Variants in PLEKHG4B observed in about 807,000 individuals in gnomAD.
PLEKHG4B encodes the protein pleckstrin homology and RhoGEF domain containing G4B.
PLEKHG4B carries 111 observed loss-of-function variants against 121.3 expected under a neutral mutation model. That is an observed-to-expected ratio of 0.92 (90% CI 0.78 to 1.07). PLEKHG4B has a LOEUF of 1.07. Among genes scored for constraint, PLEKHG4B ranks in the 50% least tolerant of loss-of-function variants. The pLI, the probability that PLEKHG4B is intolerant of heterozygous loss-of-function variation, is 0.00. For missense variants in PLEKHG4B, 1,831 were observed against 1,757.8 expected (o/e 1.04, Z -0.74); for synonymous variants, 738 against 725.0 (o/e 1.02, Z -0.29).
intron 2 of PLEKHG4B, among the ~76,000 whole-genome samples, chr5:125,974 T>C (rs180894796): frequency 6.6e-6 from 1 of 152,336 alleles, no homozygotes; most frequent in African/African-American, 2.4e-5. Flanking sequence ...GCCGACAATC[T>C]TATTAAGGTT....
chr5:93,963 T>G (rs1435368728), intron 1 of PLEKHG4B, among the ~76,000 whole-genome samples: 1 of 152,168 alleles, frequency 6.6e-6, no homozygotes, highest in African/African-American at 2.4e-5. Context: ...ACTGCCTCCC[T>G]CCTTCCAAAC....
chr5:106,352 A>G, intron 1 of PLEKHG4B, among the ~76,000 whole-genome samples: 1 of 152,204 alleles, frequency 6.6e-6, no homozygotes, highest in Non-Finnish European at 1.5e-5. Flanking sequence ...TCCCCCATCC[A>G]GCCCTTTGTT....
At position 181,612 on chromosome 5, in the gene PLEKHG4B, G is replaced by A. The variant is rs756867316; in HGVS notation, c.4501G>A (p.Asp1501Asn). ...GACCCCTGACTGTGCAGTGATAAGC[G>A]ACCGGGCTCCCAAATGTGCAGTGAT... ...DRTPDCAVIS[D>N]RAPKCAVMSD... The change falls in exon 19 of 20, where the codon GAC becomes AAC. Residue 1501 changes from aspartate to asparagine, a missense_variant. Coordinates refer to ENST00000637938, the MANE Select transcript of PLEKHG4B (RefSeq NM_052909.5). The A allele has an allele frequency of 2.3e-5, 37 of 1,613,802 alleles. No individual in the cohort carries two copies. In the African/African-American group the frequency reaches 2.8e-4, roughly 12 times the overall value.
At chr5:154,462 G>A (rs879708693) in intron 7 of PLEKHG4B, among the ~76,000 whole-genome samples, 1 of 152,132 alleles carries the variant, frequency 6.6e-6, no homozygotes, top group Non-Finnish European at 1.5e-5. Context: ...CATGCATCAG[G>A]TGCCCCAACA....
chr5:106,564 T>C (rs1442313893), intron 1 of PLEKHG4B, among the ~76,000 whole-genome samples: 1 of 152,228 alleles, frequency 6.6e-6, no homozygotes, highest in Non-Finnish European at 1.5e-5. Context: ...CACTTTGTAA[T>C]TGTCCACAGC....
intron 2 of PLEKHG4B, among the ~76,000 whole-genome samples, chr5:129,813 C>CT (rs563337897): frequency 2.0e-4 from 29 of 148,552 alleles, no homozygotes; most frequent in Non-Finnish European, 2.4e-4. Context: ...TATGTATGAC[C>CT]TTTTTTTTTT....
At position 162,287 on chromosome 5, in the gene PLEKHG4B, A is replaced by T. The variant is rs56400129; in HGVS notation, c.2649+343A>T. Among the ~76,000 whole-genome samples, 274 of 73,238 alleles carry T rather than the reference A, an allele frequency of 3.7e-3. 1 individual carries two copies. Among genetic ancestry groups the T allele is most frequent in the East Asian group, 0.02 (37 of 1,852 alleles). The allele number at this position is 73,238 out of a possible 152,430, so 48.0% of individuals were successfully genotyped here. On this transcript the variant is annotated intron_variant, in intron 12 of 19. Coordinates refer to ENST00000637938, the MANE Select transcript of PLEKHG4B (RefSeq NM_052909.5). ...CGAGCTCCCACGCGCCCCAGACCGC[A>T]CGCCTGCGAGCTCCCCCGCGCCGGG...
intron 1 of PLEKHG4B, among the ~76,000 whole-genome samples, chr5:98,425 C>CT (rs55733931): frequency 0.53 from 24,765 of 46,782 alleles, 11,002 homozygotes; most frequent in South Asian, 0.75. Context: ...TTTACTGTAG[C>CT]TTTTTTTTTT....
At chr5:173,525 A>G (rs1736641125) in intron 17 of PLEKHG4B, among the ~76,000 whole-genome samples, 1 of 152,154 alleles carries the variant, frequency 6.6e-6, no homozygotes, top group Non-Finnish European at 1.5e-5. Flanking sequence ...AAGCAGCCTC[A>G]CAGACTCATG....
At position 95,501 on chromosome 5, in the gene PLEKHG4B, C is replaced by T. The variant is rs565653062; in HGVS notation, c.45+3225C>T. ...CCTGTCTCTTGCCAGATCTCGTTTA[C>T]CCGGGCAGCACTGCCAGTTGCTTCA... On this transcript the variant is annotated intron_variant, in intron 1 of 19. Coordinates refer to ENST00000637938, the MANE Select transcript of PLEKHG4B (RefSeq NM_052909.5). 5.3e-5 allele frequency among the ~76,000 whole-genome samples: 8 copies of T among 152,322 alleles called. No homozygotes were observed. In the South Asian group the frequency reaches 1.7e-3, roughly 32 times the overall value.
At chr5:162,168 C>T (rs190859205) in intron 12 of PLEKHG4B, among the ~76,000 whole-genome samples, 16 of 152,352 alleles carry the variant, frequency 1.1e-4, no homozygotes, top group Non-Finnish European at 1.9e-4. Context: ...GCCAAACGAA[C>T]ACACACATTT....
chr5:118,085 G>A (rs186870594), intron 2 of PLEKHG4B, among the ~76,000 whole-genome samples: 22 of 152,240 alleles, frequency 1.4e-4, no homozygotes, highest in Admixed American at 4.6e-4. Flanking sequence ...AAGGATTACT[G>A]GTGTGGCAAT....
chr5:133,922 G>GCACACA (rs776876090), intron 2 of PLEKHG4B, among the ~76,000 whole-genome samples: 1 of 140,942 alleles, frequency 7.1e-6, no homozygotes, highest in Non-Finnish European at 1.6e-5. Context: ...TGACACACAC[G>GCACACA]CACACACACA....
intron 2 of PLEKHG4B, among the ~76,000 whole-genome samples, chr5:117,194 A>G (rs1483726959): frequency 6.6e-6 from 1 of 152,234 alleles, no homozygotes; most frequent in East Asian, 1.9e-4. Context: ...ACTTGATTTT[A>G]TATTAATTTT....
intron 13 of PLEKHG4B, among the ~76,000 whole-genome samples, chr5:166,608 A>ACACTAATGCTCT (rs1579317950): frequency 9.9e-5 from 15 of 152,072 alleles, no homozygotes; most frequent in Non-Finnish European, 1.9e-4. Context: ...GGCGGAGCTC[A>ACACTAATGCTCT]GGTGGCAACA....
chr5:113,304 A>G lies in PLEKHG4B; in HGVS notation c.99A>G (p.Pro33=). ...AGAGGACGCTCTCTGCCTTGTACCC[A>G]CCGTTTGAAGCCACGGCAGCCACGG... is the stretch of plus-strand genomic sequence containing the variant. The part of the protein sequence containing the change: ...CIQRTLSALY[P]PFEATAATVL... The change falls in exon 2 of 20, where the codon CCA becomes CCG. Residue 33 remains proline, a synonymous_variant. Coordinates refer to ENST00000637938, the MANE Select transcript of PLEKHG4B (RefSeq NM_052909.5). The surrounding 1 kb of genome is among the most constrained non-coding windows in gnomAD (Gnocchi z 5.2). 5.0e-6 allele frequency: 2 copies of G among 398,752 alleles called. No homozygotes were observed. Among genetic ancestry groups the G allele is most frequent in the Non-Finnish European group, 8.8e-6 (2 of 226,012 alleles). The allele number at this position is 398,752 out of a possible 1,614,324, so 24.7% of individuals were successfully genotyped here.
At chr5:99,140 T>G (rs370189580) in intron 1 of PLEKHG4B, among the ~76,000 whole-genome samples, 1 of 127,962 alleles carries the variant, frequency 7.8e-6, no homozygotes, top group Non-Finnish European at 1.6e-5. Flanking sequence ...CAGGTGACAG[T>G]GCGAGAGTCT....
chr5:135,676 AAAAAAAATATATATATAT>A (rs1714138191), intron 2 of PLEKHG4B, among the ~76,000 whole-genome samples: 3 of 64,116 alleles, frequency 4.7e-5, no homozygotes, highest in African/African-American at 7.0e-5. Flanking sequence ...AAAAAAAAAA[AAAAAAAATATATATATAT>A]ATATATATAT....
At chr5:127,657 A>G (rs551833536) in intron 2 of PLEKHG4B, among the ~76,000 whole-genome samples, 3 of 152,216 alleles carry the variant, frequency 2.0e-5, no homozygotes, top group East Asian at 3.9e-4. Context: ...AGGTGCAACA[A>G]TATTGAACTT....
Sources: gnomAD v4.1 joint callset for allele counts (sites outside exome capture counted in the v4.1 genomes callset) on GRCh38, gnomAD v4.1.1 for gene constraint, Gnocchi (gnomAD v3.1) non-coding constraint, MANE v1.5 for transcripts, NCBI Gene and HGNC (gene_info 2026-07-23, HGNC 2026-07-21) for gene names.